KMT2C: variants seen among roughly 807,000 people sequenced by gnomAD.
KMT2C encodes the protein histone-lysine N-methyltransferase 2C.
Under a neutral mutation model 507.9 loss-of-function variants are expected in KMT2C, and 88 were observed. That is an observed-to-expected ratio of 0.17 (90% CI 0.15 to 0.21). The LOEUF is 0.21. Ranked by LOEUF, KMT2C falls within the 10% of genes least tolerant of loss-of-function variation. KMT2C has a pLI of 1.00. For missense variants in KMT2C, 4,954 were observed against 5,957.8 expected (o/e 0.83, Z 5.55); for synonymous variants, 2,049 against 2,080.8 (o/e 0.98, Z 0.42).
chr7:152,263,630 G>C (rs923842315), intron 8 of KMT2C, among the ~76,000 whole-genome samples: 1 of 152,000 alleles, frequency 6.6e-6, no homozygotes, highest in Non-Finnish European at 1.5e-5. Flanking sequence ...GTATAAAATG[G>C]GAATAATAAA....
intron 1 of KMT2C, among the ~76,000 whole-genome samples, chr7:152,382,097 C>A (rs1398907092): frequency 7.2e-5 from 11 of 152,202 alleles, no homozygotes; most frequent in African/African-American, 2.7e-4. Flanking sequence ...TAGCTACAAT[C>A]CACTTTTCCA....
intron 2 of KMT2C, among the ~76,000 whole-genome samples, chr7:152,340,265 G>C (rs1563921463): frequency 6.6e-6 from 1 of 151,344 alleles, no homozygotes; most frequent in Non-Finnish European, 1.5e-5. Context: ...TAGAATTACA[G>C]GCATGAGCCA....
chr7:152,359,455 T>C (rs557304499), intron 1 of KMT2C, among the ~76,000 whole-genome samples: 25 of 152,270 alleles, frequency 1.6e-4, no homozygotes, highest in Admixed American at 5.9e-4. Flanking sequence ...TTTTAAATTA[T>C]TTCGCAGTAT....
At chr7:152,308,790 G>C (rs773657862) in intron 6 of KMT2C, among the ~76,000 whole-genome samples, 5 of 151,006 alleles carry the variant, frequency 3.3e-5, no homozygotes, top group African/African-American at 1.2e-4. Context: ...CCAGGAGTTT[G>C]AGACCAGCCT....
chr7:152,250,584 C>G (rs568505701), intron 12 of KMT2C, among the ~76,000 whole-genome samples: 2 of 152,152 alleles, frequency 1.3e-5, no homozygotes, highest in Admixed American at 6.5e-5. Context: ...GCAACTACAA[C>G]TAAAGAAATA....
At chr7:152,362,973 ATTCTT>A (rs1470832581) in intron 1 of KMT2C, among the ~76,000 whole-genome samples, 1 of 152,084 alleles carries the variant, frequency 6.6e-6, no homozygotes, top group African/African-American at 2.4e-5. Context: ...TCATTTTCGA[ATTCTT>A]TTATTTCATC....
At position 152,225,820 on chromosome 7, in the gene KMT2C, T is replaced by C. The variant is rs117041169; in HGVS notation, c.2977-1204A>G. On this transcript the variant is annotated intron_variant, in intron 18 of 58. Transcript: ENST00000262189. ...AACAGTACTTTAAAAACTAATCTTATATGATAGTTCTAGAGTAGGCAAAAA... is the reference window on the plus strand; with the variant it reads ...AACAGTACTTTAAAAACTAATCTTACATGATAGTTCTAGAGTAGGCAAAAA... 6.5e-3 allele frequency among the ~76,000 whole-genome samples: 996 copies of C among 152,280 alleles called. 8 individuals are homozygous for C. The highest frequency in any genetic ancestry group is 0.01 in the Admixed American group (157 of 15,300).
rs2092816476 is a variant in KMT2C, at chr7:152,168,207, A to G, written c.9518-829T>C. Among the ~76,000 whole-genome samples the G allele has an allele frequency of 1.3e-5, 2 of 152,206 alleles. 1 individual carries two copies. Among genetic ancestry groups the G allele is most frequent in the South Asian group, 4.1e-4 (2 of 4,834 alleles). ...TGAATATACCTTTTTGACTCACTAC[A>G]AGACAAAGAAATGAATAAATACATT... is the stretch of plus-strand genomic sequence containing the variant. On this transcript the variant is annotated intron_variant, in intron 41 of 58. Transcript: ENST00000262189.
At chr7:152,185,344 C>T (rs1020074874) in intron 34 of KMT2C, among the ~76,000 whole-genome samples, 9 of 152,114 alleles carry the variant, frequency 5.9e-5, no homozygotes, top group Non-Finnish European at 1.3e-4. Flanking sequence ...TTTCAATCTT[C>T]AACGTTTTGG....
At position 152,330,584 on chromosome 7, in the gene KMT2C, T is replaced by C. The variant is rs1480285382; in HGVS notation, c.389+17A>G. ...TCCTGTCACTAATATCCAATCCAGC[T>C]GCATTCATTCTCTAACCTGATTTTG... On this transcript the variant is annotated intron_variant, in intron 3 of 58. Transcript: ENST00000262189. 3.7e-6 allele frequency: 6 copies of C among 1,612,260 alleles called. No individual in the cohort carries two copies. Among genetic ancestry groups the C allele is most frequent in the South Asian group, 1.1e-5 (1 of 91,050 alleles).
At chr7:152,246,629 CATT>C (rs2095478384) in intron 14 of KMT2C, among the ~76,000 whole-genome samples, 1 of 151,808 alleles carries the variant, frequency 6.6e-6, no homozygotes, top group Admixed American at 6.6e-5. Flanking sequence ...TTCAAATTTC[CATT>C]GGTAAAGTCT....
intron 18 of KMT2C, among the ~76,000 whole-genome samples, chr7:152,228,934 C>A (rs1374831817): frequency 6.6e-6 from 1 of 152,120 alleles, no homozygotes; most frequent in Non-Finnish European, 1.5e-5. Context: ...GTATTAATTA[C>A]AATCTTTCAT....
At chr7:152,182,670 CAG>C in intron 35 of KMT2C, 76 bp from the exon 36 acceptor site, 1 of 1,322,956 alleles carries the variant, frequency 7.6e-7, no homozygotes, top group Non-Finnish European at 1.0e-6. Flanking sequence ...GAAAAAGCAA[CAG>C]AAAGTTAATT....
At chr7:152,244,269 C>T (rs1330207277) in intron 14 of KMT2C, among the ~76,000 whole-genome samples, 8 of 152,134 alleles carry the variant, frequency 5.3e-5, no homozygotes, top group Non-Finnish European at 1.5e-5. Context: ...TTTAATTGGT[C>T]TAGGGTAGGG....
chr7:152,205,079 A>T (rs2094264257), intron 25 of KMT2C, 27 bp downstream of exon 25: 1 of 1,520,328 alleles, frequency 6.6e-7, no homozygotes, highest in East Asian at 2.4e-5. Flanking sequence ...ATTAAAAAAA[A>T]AATTTTTTTT....
Position 152,195,966 on chromosome 7 carries a change from G to A in KMT2C, c.4319C>T (p.Thr1440Ile), listed in dbSNP as rs755214297. The part of the protein sequence containing the change: ...PLADISEVLN[T>I]DDDILGIISD... ...AATTATTCCAAGAATGTCATCATCTGTGTTTAAAACTTCAGAAATATCAGC... is the reference window on the plus strand; with the variant it reads ...AATTATTCCAAGAATGTCATCATCTATGTTTAAAACTTCAGAAATATCAGC... Residue 1440 changes from threonine (T) to isoleucine (I), a missense_variant, in exon 28 of 59, where the codon ACA becomes ATA. Around this residue, in one of 29 missense-constraint regions of KMT2C, gnomAD observed 140 missense variants for 118.4 expected, o/e 1.18. Transcript: ENST00000262189. 1 of 1,610,344 alleles carries A rather than the reference G, an allele frequency of 6.2e-7. No homozygotes were observed. The highest frequency in any genetic ancestry group is 1.1e-5 in the South Asian group (1 of 90,748).
intron 2 of KMT2C, among the ~76,000 whole-genome samples, chr7:152,344,290 G>A (rs1356875521): frequency 6.6e-6 from 1 of 152,146 alleles, no homozygotes; most frequent in South Asian, 2.1e-4. Context: ...AATATATCCA[G>A]TATGCTTTTT....
chr7:152,264,097 A>C (rs1306382563), intron 8 of KMT2C, among the ~76,000 whole-genome samples: 1 of 152,176 alleles, frequency 6.6e-6, no homozygotes. Context: ...AAGTTCTTTT[A>C]ATCCTTCCCA....
At chr7:152,195,091 GTACAT>G (rs1197593315) in intron 28 of KMT2C, among the ~76,000 whole-genome samples, 16 of 152,008 alleles carry the variant, frequency 1.1e-4, no homozygotes, top group Admixed American at 1.0e-3. Context: ...TTCTGATTAT[GTACAT>G]TACATTTTAT....
Sources: allele counts gnomAD v4.1 joint callset (sites outside exome capture counted in the v4.1 genomes callset), GRCh38; gene constraint gnomAD v4.1.1; regional missense constraint gnomAD v4.1.1; transcripts MANE v1.5; gene names NCBI Gene and HGNC (gene_info 2026-07-23, HGNC 2026-07-21).